The following PDE4D variants were observed in gnomAD, a reference collection of about 807,000 sequenced individuals.
PDE4D encodes the protein phosphodiesterase 4D.
In PDE4D, 24 loss-of-function variants were observed where a neutral mutation model predicts 87.4. The observed-to-expected ratio is 0.27, with a 90% CI of 0.20 to 0.39. The LOEUF is 0.39. Among genes scored for constraint, PDE4D ranks in the 10% least tolerant of loss-of-function variants. PDE4D has a pLI of 1.00. For synonymous variants in PDE4D, 384 were observed against 383.2 expected (o/e 1.00, Z -0.02); for missense variants, 714 against 1,041.0 (o/e 0.69, Z 4.32).
At chr5:59,793,313 C>T (rs980634682) in intron 1 of PDE4D, among the ~76,000 whole-genome samples, 30 of 152,220 alleles carry the variant, frequency 2.0e-4, no homozygotes, top group African/African-American at 5.3e-4. Context: ...AGCTTGCAAA[C>T]GGTGGCCAAG....
intron 5 of PDE4D, 32 bp from the exon 6 acceptor site, chr5:59,039,003 T>C: frequency 1.9e-6 from 3 of 1,551,856 alleles, no homozygotes; most frequent in Non-Finnish European, 2.6e-6. Context: ...GGGACTCAGT[T>C]CTCAAGCGCT....
intron 1 of PDE4D, among the ~76,000 whole-genome samples, chr5:59,220,304 C>A (rs1176166075): frequency 7.0e-6 from 1 of 143,196 alleles, no homozygotes; most frequent in African/African-American, 2.6e-5. Context: ...TCGCTTCAGA[C>A]CAGGAGTTCA....
At chr5:59,292,431 C>G (rs1161927115) in intron 1 of PDE4D, among the ~76,000 whole-genome samples, 1 of 152,130 alleles carries the variant, frequency 6.6e-6, no homozygotes, top group African/African-American at 2.4e-5. Context: ...CATGGACCCA[C>G]TTTCCACAAC....
intron 1 of PDE4D, among the ~76,000 whole-genome samples, chr5:59,441,717 A>C (rs1797644652): frequency 6.6e-6 from 1 of 152,208 alleles, no homozygotes; most frequent in Non-Finnish European, 1.5e-5. Flanking sequence ...CTTCATTTAC[A>C]TGCCATCACC....
intron 5 of PDE4D, among the ~76,000 whole-genome samples, chr5:59,134,400 C>T (rs1447601457): frequency 6.6e-6 from 1 of 151,744 alleles, no homozygotes; most frequent in Non-Finnish European, 1.5e-5. Flanking sequence ...TAATTTTGTT[C>T]CACAGAGTCC....
chr5:60,441,094 G>T (rs1393040057), intron 1 of PDE4D, among the ~76,000 whole-genome samples: 1 of 151,828 alleles, frequency 6.6e-6, no homozygotes, highest in African/African-American at 2.4e-5. Flanking sequence ...GCCAGGAAAA[G>T]CATCTTTATG....
chr5:59,887,241 A>C (rs942890585), intron 1 of PDE4D, among the ~76,000 whole-genome samples: 7 of 152,156 alleles, frequency 4.6e-5, no homozygotes, highest in Non-Finnish European at 1.0e-4. Context: ...CAATCTCCAA[A>C]GTGGTATGGT....
chr5:59,467,118 G>A (rs1267280841), intron 1 of PDE4D, among the ~76,000 whole-genome samples: 2 of 152,090 alleles, frequency 1.3e-5, no homozygotes, highest in Admixed American at 6.6e-5. Context: ...TGAGGAGAGA[G>A]GCCTCAGAAG....
chr5:59,031,075 G>C (rs1163739007), intron 6 of PDE4D, among the ~76,000 whole-genome samples: 1 of 151,980 alleles, frequency 6.6e-6, no homozygotes, highest in Non-Finnish European at 1.5e-5. Context: ...ACAGATGAAT[G>C]ATAACAAGTG....
chr5:60,107,763 G>A (rs1226278549), intron 2 of PDE4D, among the ~76,000 whole-genome samples: 3 of 152,130 alleles, frequency 2.0e-5, no homozygotes, highest in Admixed American at 1.3e-4. Flanking sequence ...AAAACCACAT[G>A]ATTATCTCAA....
At chr5:59,647,891 T>C (rs986893680) in intron 1 of PDE4D, among the ~76,000 whole-genome samples, 7 of 152,176 alleles carry the variant, frequency 4.6e-5, no homozygotes, top group Non-Finnish European at 7.4e-5. Context: ...AAAAGGTATA[T>C]GTAAAATGAG....
At chr5:59,321,739 G>C (rs1410947271) in intron 1 of PDE4D, among the ~76,000 whole-genome samples, 1 of 152,136 alleles carries the variant, frequency 6.6e-6, no homozygotes, top group African/African-American at 2.4e-5. Flanking sequence ...AGAATGAAAG[G>C]AGAGCAAGTG....
chr5:59,628,663 C>G (rs1831188719), intron 1 of PDE4D, among the ~76,000 whole-genome samples: 1 of 151,772 alleles, frequency 6.6e-6, no homozygotes, highest in Non-Finnish European at 1.5e-5. Flanking sequence ...GGCCCTGGCA[C>G]CATGGACTTC....
intron 1 of PDE4D, among the ~76,000 whole-genome samples, chr5:60,410,079 T>C (rs969520589): frequency 2.0e-5 from 3 of 152,320 alleles, no homozygotes; most frequent in African/African-American, 7.2e-5. Flanking sequence ...GTTTAGCTTT[T>C]CTGAGCAGCT....
chr5:59,433,490 C>A (rs973297131), intron 1 of PDE4D, among the ~76,000 whole-genome samples: 4 of 151,998 alleles, frequency 2.6e-5, no homozygotes, highest in African/African-American at 9.7e-5. Context: ...ATCTTTCTAT[C>A]GTCAACAATT....
intron 1 of PDE4D, among the ~76,000 whole-genome samples, chr5:59,381,673 C>T (rs2591748): frequency 0.28 from 42,215 of 151,874 alleles, 6,323 homozygotes; most frequent in South Asian, 0.38. Context: ...GCAAATATCA[C>T]GTCTTTCTAA....
intron 1 of PDE4D, among the ~76,000 whole-genome samples, chr5:59,654,257 G>A (rs1478084278): frequency 1.3e-5 from 2 of 152,156 alleles, no homozygotes; most frequent in Non-Finnish European, 2.9e-5. Context: ...AGGGGAGGAA[G>A]GGAGAGGGAA....
chr5:59,373,294 C>G (rs1598740), intron 1 of PDE4D, among the ~76,000 whole-genome samples: 12,732 of 152,242 alleles, frequency 0.084, 636 homozygotes, highest in Middle Eastern at 0.14. Flanking sequence ...TAAAACAATG[C>G]AGGAACTGAC....
At chr5:59,536,215 T>C (rs897854367) in intron 1 of PDE4D, among the ~76,000 whole-genome samples, 3 of 151,992 alleles carry the variant, frequency 2.0e-5, no homozygotes, top group Non-Finnish European at 4.4e-5. Flanking sequence ...TTTAAAAAAT[T>C]AGCTTTTGGG....
Sources: allele counts gnomAD v4.1 joint callset (sites outside exome capture counted in the v4.1 genomes callset), GRCh38; gene constraint gnomAD v4.1.1; transcripts MANE v1.5; gene names NCBI Gene and HGNC (gene_info 2026-07-23, HGNC 2026-07-21).